HCN1: variants seen among roughly 807,000 people sequenced by gnomAD.
HCN1 encodes potassium/sodium hyperpolarization-activated cyclic nucleotide-gated channel 1.
Under a neutral mutation model 78.9 loss-of-function variants are expected in HCN1, and 13 were observed. The observed-to-expected ratio is 0.16, with a 90% CI of 0.11 to 0.26. The LOEUF is 0.26. Among genes scored for constraint, HCN1 ranks in the 10% least tolerant of loss-of-function variants. HCN1 has a pLI of 1.00. For synonymous variants in HCN1, 552 were observed against 455.5 expected (o/e 1.21, Z -2.70); for missense variants, 810 against 1,154.3 (o/e 0.70, Z 4.32).
At chr5:45,581,093 G>T (rs1313408591) in intron 2 of HCN1, among the ~76,000 whole-genome samples, 1 of 152,154 alleles carries the variant, frequency 6.6e-6, no homozygotes, top group African/African-American at 2.4e-5. Context: ...TCTAGTTCTA[G>T]ATCCTTGAGC....
At chr5:45,410,636 T>A (rs1035002515) in intron 3 of HCN1, among the ~76,000 whole-genome samples, 2 of 152,074 alleles carry the variant, frequency 1.3e-5, no homozygotes, top group Admixed American at 1.3e-4. Context: ...TGACTTTAAA[T>A]TGCAAACAAA....
chr5:45,402,422 G>A (rs1278589264), intron 3 of HCN1, among the ~76,000 whole-genome samples: 1 of 152,128 alleles, frequency 6.6e-6, no homozygotes, highest in Non-Finnish European at 1.5e-5. Flanking sequence ...AATATCTAAA[G>A]GGTAGAGGCC....
intron 6 of HCN1, among the ~76,000 whole-genome samples, chr5:45,293,096 C>A (rs1745412420): frequency 1.3e-5 from 2 of 151,890 alleles, no homozygotes. Context: ...AATTTACATT[C>A]CTTTGAGTAT....
At chr5:45,583,943 T>A (rs1011928061) in intron 2 of HCN1, among the ~76,000 whole-genome samples, 2 of 152,212 alleles carry the variant, frequency 1.3e-5, no homozygotes, top group Non-Finnish European at 2.9e-5. Context: ...AGTGCTTTAC[T>A]TCCAACTATG....
intron 2 of HCN1, among the ~76,000 whole-genome samples, chr5:45,514,180 C>A (rs767737799): frequency 6.6e-6 from 1 of 152,090 alleles, no homozygotes; most frequent in Non-Finnish European, 1.5e-5. Flanking sequence ...AAAGCCATAA[C>A]AATTTATATA....
chr5:45,273,205 A>C (rs997650345), intron 6 of HCN1, among the ~76,000 whole-genome samples: 3 of 151,818 alleles, frequency 2.0e-5, no homozygotes, highest in Non-Finnish European at 3.0e-5. Flanking sequence ...TAGTTATTTC[A>C]CCTAGTTAAG....
At chr5:45,522,986 C>G (rs1160378248) in intron 2 of HCN1, among the ~76,000 whole-genome samples, 1 of 151,986 alleles carries the variant, frequency 6.6e-6, no homozygotes, top group Non-Finnish European at 1.5e-5. Flanking sequence ...TTAGGTATAT[C>G]TCCTAAGGCC....
At chr5:45,501,175 T>G (rs1219894779) in intron 2 of HCN1, among the ~76,000 whole-genome samples, 1 of 152,170 alleles carries the variant, frequency 6.6e-6, no homozygotes, top group Non-Finnish European at 1.5e-5. Flanking sequence ...CAATATCTAC[T>G]TTCAGGGAGA....
chr5:45,471,227 G>A (rs541950302), intron 2 of HCN1, among the ~76,000 whole-genome samples: 8 of 151,880 alleles, frequency 5.3e-5, no homozygotes, highest in Non-Finnish European at 1.2e-4. Flanking sequence ...CTATGCGTGT[G>A]TTCAAGGGGT....
chr5:45,641,369 C>G lies in HCN1; in HGVS notation c.849+3816G>C, dbSNP rs183358646. Among the ~76,000 whole-genome samples the G allele has an allele frequency of 2.2e-3, 339 of 152,106 alleles. 5 individuals are homozygous for G. The South Asian group carries it at 0.033, about 15-fold the overall frequency. ...TTTGTATATTAAACTATCTCTAAGC[C>G]AGTATAAAAATCTAATATTGGTTTC... On this transcript the variant is annotated intron_variant, in intron 2 of 7. Coordinates refer to ENST00000303230, the MANE Select transcript of HCN1 (RefSeq NM_021072.4).
chr5:45,401,738 C>A (rs1329649790), intron 3 of HCN1, among the ~76,000 whole-genome samples: 1 of 149,246 alleles, frequency 6.7e-6, no homozygotes, highest in Admixed American at 6.7e-5. Context: ...CAGTATATAA[C>A]TTTTAGTAAA....
intron 4 of HCN1, among the ~76,000 whole-genome samples, chr5:45,373,308 TATATATAAAATATATATTTCATATATTTA>T (rs1278698258): frequency 5.1e-5 from 6 of 118,028 alleles, no homozygotes; most frequent in South Asian, 2.4e-4. Flanking sequence ...TTTTATATAC[TATATATAAAATATATATTTCATATATTTA>T]ATATATAAAA....
chr5:45,375,160 T>C (rs1184311610), intron 4 of HCN1, among the ~76,000 whole-genome samples: 1 of 121,204 alleles, frequency 8.3e-6, no homozygotes. Flanking sequence ...GTATTATATA[T>C]AATATATTTT....
chr5:45,508,680 T>C lies in HCN1; in HGVS notation c.850-46673A>G, dbSNP rs78136616. The stretch of plus-strand genomic sequence containing the variant: ...TCTCATTTCAAGTCAGACTTTTCTA[T>C]ATAGAATGTCTGTGATGTAATATCA... On this transcript the variant is annotated intron_variant, in intron 2 of 7. Coordinates refer to ENST00000303230, the MANE Select transcript of HCN1 (RefSeq NM_021072.4). Among the ~76,000 whole-genome samples, 758 of 152,268 alleles carry C rather than the reference T, an allele frequency of 5.0e-3. 4 individuals are homozygous for C. Among genetic ancestry groups the C allele is most frequent in the African/African-American group, 0.017 (723 of 41,566 alleles).
chr5:45,363,145 C>CATATATATACATATATAT (rs1554020545), intron 4 of HCN1, among the ~76,000 whole-genome samples: 1 of 131,288 alleles, frequency 7.6e-6, no homozygotes, highest in African/African-American at 3.0e-5. Flanking sequence ...TATATATATA[C>CATATATATACATATATAT]ATATATATAT....
chr5:45,328,069 CT>C (rs1169323807), intron 5 of HCN1, among the ~76,000 whole-genome samples: 1 of 151,594 alleles, frequency 6.6e-6, no homozygotes, highest in Non-Finnish European at 1.5e-5. Context: ...CAGTAGTCCC[CT>C]GTCCTCTGTG....
Position 45,262,773 on chromosome 5 carries a change from C to G in HCN1, c.1821G>C (p.Lys607Asn). ...KNSILLQKFQKDLNTGVFNNQ... is the reference protein window; with the variant it reads ...KNSILLQKFQNDLNTGVFNNQ... Reference sequence around the variant, plus strand: ...TGTTGAAAACACCAGTGTTCAGATCCTTCTGGAACTTTTGCAGAAGAATTG... The same window carrying G: ...TGTTGAAAACACCAGTGTTCAGATCGTTCTGGAACTTTTGCAGAAGAATTG... The change falls in exon 8 of 8, where the codon AAG becomes AAC. Residue 607 changes from lysine to asparagine, a missense_variant. Coordinates refer to ENST00000303230, the MANE Select transcript of HCN1 (RefSeq NM_021072.4). 6.2e-7 allele frequency: 1 copy of G among 1,614,042 alleles called. No homozygotes were observed. The highest frequency in any genetic ancestry group is 8.5e-7 in the Non-Finnish European group (1 of 1,180,010).
chr5:45,589,225 A>T (rs1208438502), intron 2 of HCN1, among the ~76,000 whole-genome samples: 2 of 152,332 alleles, frequency 1.3e-5, no homozygotes, highest in Admixed American at 1.3e-4. Context: ...GGTGTGATTG[A>T]AAGAGAAGGA....
intron 2 of HCN1, among the ~76,000 whole-genome samples, chr5:45,546,345 G>T (rs1229252151): frequency 6.6e-6 from 1 of 151,318 alleles, no homozygotes; most frequent in Non-Finnish European, 1.5e-5. Flanking sequence ...CTTCAAATCA[G>T]CAAGTTTTAA....
Sources: allele counts gnomAD v4.1 joint callset (sites outside exome capture counted in the v4.1 genomes callset), GRCh38; gene constraint gnomAD v4.1.1; transcripts MANE v1.5; gene names NCBI Gene and HGNC (gene_info 2026-07-23, HGNC 2026-07-21).